The following IL1RAPL2 variants were observed in gnomAD, a reference collection of about 807,000 sequenced individuals.
The protein encoded by IL1RAPL2 is interleukin 1 receptor accessory protein like 2.
A neutral mutation model predicts 44.1 loss-of-function variants in IL1RAPL2; 3 were observed. The ratio of observed to expected loss-of-function variants is 0.07; its 90% CI spans 0.03 to 0.18. The LOEUF is 0.18. Ranked by LOEUF, IL1RAPL2 falls within the 10% of genes least tolerant of loss-of-function variation. The probability of loss-of-function intolerance (pLI) is 1.00; values close to 1 mark genes in which losing one functional copy is unlikely to be tolerated. For synonymous variants in IL1RAPL2, 181 were observed against 178.8 expected, an observed-to-expected ratio of 1.01 and a Z score of -0.10; for missense variants, 391 against 496.4, an observed-to-expected ratio of 0.79 and a Z score of 2.02.
At chrX:105,301,897 T>A (rs2034700632) in intron 5 of IL1RAPL2, among the ~76,000 whole-genome samples, 1 of 112,055 alleles carries the variant, frequency 8.9e-6, no homozygotes, top group Non-Finnish European at 1.9e-5. Context: ...GATTGCTGGA[T>A]CATATGGTAG....
chrX:104,789,799 C>T lies in IL1RAPL2; in HGVS notation c.82+130804C>T, dbSNP rs756556267. Among the ~76,000 whole-genome samples, 4 of 112,348 alleles carry T rather than the reference C, an allele frequency of 3.6e-5. No homozygotes were observed. The South Asian group carries it at 1.5e-3, about 41-fold the overall frequency. ...ATATCCAAAATTCACTGGCTATGAG[C>T]TTATCTTTAACAGTTACTAATTTAT... On this transcript the variant is annotated intron_variant, in intron 2 of 10. Coordinates refer to ENST00000372582, the MANE Select transcript of IL1RAPL2 (RefSeq NM_017416.2).
At chrX:105,635,994 G>T (rs772307891) in intron 6 of IL1RAPL2, among the ~76,000 whole-genome samples, 16 of 111,003 alleles carry the variant, frequency 1.4e-4, no homozygotes, top group Non-Finnish European at 2.3e-4. Context: ...GAGTGGCAAA[G>T]AAAGGTAAAC....
At chrX:105,481,361 G>A (rs186780420) in intron 5 of IL1RAPL2, among the ~76,000 whole-genome samples, 2 of 112,601 alleles carry the variant, frequency 1.8e-5, no homozygotes, top group Admixed American at 9.4e-5. Flanking sequence ...ATGAGCTAAT[G>A]TATCTGAAAG....
chrX:105,219,435 A>T, intron 3 of IL1RAPL2: 1 of 1,209,328 alleles, frequency 8.3e-7, no homozygotes. Context: ...ACTTTTCCTG[A>T]TCAGCATCTC....
At chrX:105,164,973 G>A (rs2033359611) in intron 2 of IL1RAPL2, among the ~76,000 whole-genome samples, 3 of 111,219 alleles carry the variant, frequency 2.7e-5, no homozygotes, top group Non-Finnish European at 3.8e-5. Context: ...TATCACTACC[G>A]TGTAGGTGTC....
intron 2 of IL1RAPL2, among the ~76,000 whole-genome samples, chrX:104,725,396 C>A (rs892063421): frequency 9.0e-6 from 1 of 111,553 alleles, no homozygotes; most frequent in African/African-American, 3.3e-5. Flanking sequence ...TGGGTATATA[C>A]TCAGTAGTGG....
At chrX:104,879,068 T>C (rs1922987705) in intron 2 of IL1RAPL2, among the ~76,000 whole-genome samples, 1 of 110,817 alleles carries the variant, frequency 9.0e-6, no homozygotes, top group African/African-American at 3.3e-5. Flanking sequence ...ATATAAAATA[T>C]TTTATCATAG....
intron 2 of IL1RAPL2, among the ~76,000 whole-genome samples, chrX:105,043,657 A>T (rs2031794663): frequency 9.0e-6 from 1 of 111,003 alleles, no homozygotes; most frequent in African/African-American, 3.3e-5. Flanking sequence ...AGCCATAGTC[A>T]GTATATCCTG....
intron 5 of IL1RAPL2, among the ~76,000 whole-genome samples, chrX:105,322,180 C>T (rs1181882713): frequency 8.9e-6 from 1 of 112,375 alleles, no homozygotes; most frequent in Non-Finnish European, 1.9e-5. Flanking sequence ...ATTTGGAATC[C>T]TTATGTTGCC....
chrX:105,283,295 C>A, intron 5 of IL1RAPL2, among the ~76,000 whole-genome samples: 1 of 111,041 alleles, frequency 9.0e-6, no homozygotes, highest in African/African-American at 3.3e-5. Context: ...TGCAATATAT[C>A]ATTATAAGGA....
intron 2 of IL1RAPL2, among the ~76,000 whole-genome samples, chrX:104,909,561 C>T (rs1252894737): frequency 4.5e-5 from 5 of 111,703 alleles, no homozygotes; most frequent in African/African-American, 1.6e-4. Flanking sequence ...TTCCTTCTAA[C>T]AGACAGGACC....
chrX:104,728,425 A>G (rs190034295), intron 2 of IL1RAPL2, among the ~76,000 whole-genome samples: 1 of 111,930 alleles, frequency 8.9e-6, no homozygotes, highest in East Asian at 2.8e-4. Context: ...AACCACTTAC[A>G]GGTTACAAGT....
intron 2 of IL1RAPL2, among the ~76,000 whole-genome samples, chrX:105,074,979 A>G (rs1435946321): frequency 3.6e-5 from 4 of 111,427 alleles, no homozygotes; most frequent in Non-Finnish European, 5.6e-5. Context: ...CAATCATGTC[A>G]TCTGCAAACA....
Position 105,284,984 on chromosome X carries a change from T to C in IL1RAPL2, c.697+17443T>C, listed in dbSNP as rs757175468. On this transcript the variant is annotated intron_variant, in intron 5 of 10. Transcript: ENST00000372582. ...GGGTATATGTGCCACAAAAGAGCTA[T>C]GATTTTTCCTCACTGATAAAGAAGT... 1.3e-4 allele frequency among the ~76,000 whole-genome samples: 14 copies of C among 111,984 alleles called. No individual in the cohort carries two copies. In the South Asian group the frequency reaches 5.2e-3, roughly 42 times the overall value.
intron 1 of IL1RAPL2, among the ~76,000 whole-genome samples, chrX:104,624,552 A>G (rs1171096613): frequency 8.9e-6 from 1 of 111,974 alleles, no homozygotes; most frequent in Non-Finnish European, 1.9e-5. Context: ...GCCATCTCAT[A>G]TACTATTGGT....
At chrX:104,892,813 G>T (rs746603668) in intron 2 of IL1RAPL2, among the ~76,000 whole-genome samples, 1 of 111,445 alleles carries the variant, frequency 9.0e-6, no homozygotes, top group East Asian at 2.8e-4. Flanking sequence ...TCTTATCTTA[G>T]TTATTTCTTG....
At chrX:105,222,176 A>T (rs1375024427) in intron 3 of IL1RAPL2, among the ~76,000 whole-genome samples, 2 of 111,998 alleles carry the variant, frequency 1.8e-5, no homozygotes, top group East Asian at 5.6e-4. Context: ...TAAGGGACTA[A>T]GCCATACAGG....
At chrX:105,485,789 C>T (rs1041122665) in intron 6 of IL1RAPL2, among the ~76,000 whole-genome samples, 6 of 111,928 alleles carry the variant, frequency 5.4e-5, no homozygotes, top group Non-Finnish European at 9.4e-5. Flanking sequence ...CACTGGACCT[C>T]GTTCTTTTTT....
chrX:105,143,096 G>C (rs1332238672), intron 2 of IL1RAPL2, among the ~76,000 whole-genome samples: 1 of 111,035 alleles, frequency 9.0e-6, no homozygotes, highest in East Asian at 2.8e-4. Context: ...TGACAAATGG[G>C]GTCTAATTAA....
Sources: gnomAD v4.1 joint callset for allele counts (sites outside exome capture counted in the v4.1 genomes callset) on GRCh38, gnomAD v4.1.1 for gene constraint, MANE v1.5 for transcripts, NCBI Gene and HGNC (gene_info 2026-07-23, HGNC 2026-07-21) for gene names.